Variants in MTUS2 observed in about 807,000 individuals in gnomAD.
MTUS2 encodes microtubule-associated tumor suppressor candidate 2.
Under a neutral mutation model 114.1 loss-of-function variants are expected in MTUS2, and 40 were observed. That is an observed-to-expected ratio of 0.35 (90% CI 0.27 to 0.46). The LOEUF (loss-of-function observed/expected upper bound fraction) is 0.46. Among genes scored for constraint, MTUS2 ranks in the 20% least tolerant of loss-of-function variants. The probability of loss-of-function intolerance (pLI) is 1.00; values close to 1 mark genes in which losing one functional copy is unlikely to be tolerated. For missense variants in MTUS2, 1,679 were observed against 1,705.4 expected (o/e 0.98, Z 0.27); for synonymous variants, 688 against 672.0 (o/e 1.02, Z -0.37).
intron 5 of MTUS2, among the ~76,000 whole-genome samples, chr13:29,110,290 CATTTG>C (rs971250397): frequency 7.8e-4 from 119 of 152,322 alleles, no homozygotes; most frequent in Admixed American, 1.4e-3. Flanking sequence ...AGAATGGGAA[CATTTG>C]ATTTCACAGT....
At chr13:28,847,844 C>T in intron 2 of MTUS2, among the ~76,000 whole-genome samples, 1 of 152,098 alleles carries the variant, frequency 6.6e-6, no homozygotes, top group East Asian at 1.9e-4. Context: ...ATAGATGCAG[C>T]CTCTGGGCGC....
At chr13:29,500,576 C>T (rs1882819933) in intron 14 of MTUS2, among the ~76,000 whole-genome samples, 1 of 152,104 alleles carries the variant, frequency 6.6e-6, no homozygotes, top group Non-Finnish European at 1.5e-5. Context: ...AAGGAAAAAG[C>T]GTGCTTACAT....
At chr13:29,266,373 T>A (rs576232289) in intron 5 of MTUS2, among the ~76,000 whole-genome samples, 1 of 152,236 alleles carries the variant, frequency 6.6e-6, no homozygotes, top group Non-Finnish European at 1.5e-5. Flanking sequence ...CACTTAACTA[T>A]CAGCCTTTCA....
rs554822693 is a variant in MTUS2, at chr13:29,221,338, A to T, written c.2645-60366A>T. On this transcript the variant is annotated intron_variant, in intron 5 of 15. Coordinates refer to ENST00000612955, the MANE Select transcript of MTUS2 (RefSeq NM_001033602.4). The stretch of plus-strand genomic sequence containing the variant: ...TGCCATTCAAAGTATTTTCCAATTA[A>T]CATTCCCCAGCACTGTGTAAGTAGT... 2.0e-5 allele frequency among the ~76,000 whole-genome samples: 3 copies of T among 152,366 alleles called. No individual in the cohort carries two copies. In the South Asian group the frequency reaches 6.2e-4, roughly 32 times the overall value.
intron 9 of MTUS2, among the ~76,000 whole-genome samples, chr13:29,453,884 G>T (rs1382626830): frequency 6.6e-6 from 1 of 152,044 alleles, no homozygotes; most frequent in East Asian, 1.9e-4. Context: ...TTTAACATGT[G>T]ATTTTTTTGT....
At chr13:29,070,118 T>C (rs1052574368) in intron 4 of MTUS2, among the ~76,000 whole-genome samples, 1 of 152,196 alleles carries the variant, frequency 6.6e-6, no homozygotes, top group African/African-American at 2.4e-5. Flanking sequence ...GCAATAAATA[T>C]TTACTGGACA....
At position 29,317,734 on chromosome 13, in the gene MTUS2, G is replaced by A. The variant is rs201182705; in HGVS notation, c.2807-6879G>A. Among the ~76,000 whole-genome samples the A allele has an allele frequency of 2.6e-4, 3 of 11,410 alleles. 1 individual carries two copies. The highest frequency in any genetic ancestry group is 7.7e-4 in the Non-Finnish European group (3 of 3,874). The allele number at this position is 11,410 out of a possible 152,430, so 7.5% of individuals were successfully genotyped here. A position where few individuals can be genotyped will look rare whatever the true frequency, so the allele number is the denominator to read the frequency against. On this transcript the variant is annotated intron_variant, in intron 6 of 15. Coordinates refer to ENST00000612955, the MANE Select transcript of MTUS2 (RefSeq NM_001033602.4). ...ATTACAGGCGTGAGCCACCGCGCCC[G>A]GCCTCTCTCTTTAGTTTATAACTCA...
intron 2 of MTUS2, among the ~76,000 whole-genome samples, chr13:29,016,080 T>G (rs1205113897): frequency 6.6e-6 from 1 of 152,092 alleles, no homozygotes; most frequent in Non-Finnish European, 1.5e-5. Flanking sequence ...AATTTTTGTA[T>G]TTTTAGTAGA....
At chr13:29,022,604 T>G (rs74041707) in intron 2 of MTUS2, among the ~76,000 whole-genome samples, 9,656 of 152,314 alleles carry the variant, frequency 0.063, 367 homozygotes, top group African/African-American at 0.088. Context: ...TAGCCTCACA[T>G]GTGGTGTGCA....
intron 6 of MTUS2, among the ~76,000 whole-genome samples, chr13:29,304,910 TAAAA>T (rs543560596): frequency 1.3e-5 from 2 of 150,568 alleles, no homozygotes; most frequent in Non-Finnish European, 3.0e-5. Context: ...TCAGCAAATG[TAAAA>T]AAAAACAACA....
intron 5 of MTUS2, among the ~76,000 whole-genome samples, chr13:29,209,288 C>A (rs1041597024): frequency 6.6e-6 from 1 of 152,112 alleles, no homozygotes; most frequent in Non-Finnish European, 1.5e-5. Context: ...TCTTTTTCCA[C>A]CCCCTACCTT....
At chr13:29,123,779 G>C (rs1341485897) in intron 5 of MTUS2, among the ~76,000 whole-genome samples, 2 of 152,116 alleles carry the variant, frequency 1.3e-5, no homozygotes, top group Non-Finnish European at 2.9e-5. Flanking sequence ...GATGTATTGA[G>C]AGCCCTGGAT....
intron 6 of MTUS2, among the ~76,000 whole-genome samples, chr13:29,314,116 G>T (rs1899888428): frequency 6.6e-6 from 1 of 152,106 alleles, no homozygotes; most frequent in Non-Finnish European, 1.5e-5. Context: ...GAAGTAGGAA[G>T]AAAGCAAAGG....
chr13:29,313,485 T>G (rs994881475), intron 6 of MTUS2, among the ~76,000 whole-genome samples: 4 of 152,216 alleles, frequency 2.6e-5, no homozygotes, highest in African/African-American at 9.6e-5. Flanking sequence ...GCATGGGAGA[T>G]ATCCGAAGAG....
At chr13:29,371,215 A>ACC (rs764010246) in intron 8 of MTUS2, among the ~76,000 whole-genome samples, 3 of 124,542 alleles carry the variant, frequency 2.4e-5, no homozygotes, top group East Asian at 2.2e-4. Context: ...CTTCACATTA[A>ACC]CCACCCCCCC....
chr13:28,967,939 CTGT>C (rs1249249813), intron 2 of MTUS2, among the ~76,000 whole-genome samples: 13 of 152,154 alleles, frequency 8.5e-5, no homozygotes, highest in Non-Finnish European at 1.6e-4. Flanking sequence ...GAACTACACC[CTGT>C]TATTATTTCA....
chr13:28,923,387 TG>T (rs1881154285), intron 2 of MTUS2, among the ~76,000 whole-genome samples: 1 of 152,218 alleles, frequency 6.6e-6, no homozygotes, highest in African/African-American at 2.4e-5. Context: ...TTCTGAGTCC[TG>T]TTTAGATCTT....
intron 6 of MTUS2, among the ~76,000 whole-genome samples, chr13:29,293,470 A>G (rs1013819413): frequency 3.9e-5 from 6 of 152,158 alleles, no homozygotes; most frequent in African/African-American, 1.4e-4. Flanking sequence ...AATGTGGTAC[A>G]CAAACACTCT....
intron 2 of MTUS2, among the ~76,000 whole-genome samples, chr13:29,007,382 A>G (rs1164545794): frequency 1.3e-5 from 2 of 152,174 alleles, no homozygotes; most frequent in Non-Finnish European, 2.9e-5. Context: ...ACCCAGGTCC[A>G]CCATTCTAAG....
Sources: allele counts gnomAD v4.1 joint callset (sites outside exome capture counted in the v4.1 genomes callset), GRCh38; gene constraint gnomAD v4.1.1; transcripts MANE v1.5; gene names NCBI Gene and HGNC (gene_info 2026-07-23, HGNC 2026-07-21).